Variants in SLC6A6 observed in about 807,000 individuals in gnomAD.
SLC6A6 encodes the protein sodium- and chloride-dependent taurine transporter.
SLC6A6 carries 16 observed loss-of-function variants against 68.8 expected under a neutral mutation model. The observed-to-expected ratio is 0.23, with a 90% CI of 0.16 to 0.35. The LOEUF (loss-of-function observed/expected upper bound fraction) is 0.35, where lower values mean the gene tolerates loss of function less well. Among genes scored for constraint, SLC6A6 ranks in the 10% least tolerant of loss-of-function variants. The pLI is 1.00. For missense variants in SLC6A6, 474 were observed against 802.8 expected (o/e 0.59, Z 4.95); for synonymous variants, 312 against 315.4 (o/e 0.99, Z 0.12).
intron 2 of SLC6A6, among the ~76,000 whole-genome samples, chr3:14,438,904 G>A (rs566365371): frequency 5.3e-4 from 80 of 152,326 alleles, no homozygotes; most frequent in Non-Finnish European, 1.1e-3. Flanking sequence ...CAGGGCAGGT[G>A]CAGAGAACTC....
intron 1 of SLC6A6, among the ~76,000 whole-genome samples, chr3:14,413,886 T>G (rs998428997): frequency 6.6e-6 from 1 of 152,190 alleles, no homozygotes; most frequent in Non-Finnish European, 1.5e-5. Context: ...AGGTCTGGAT[T>G]CTTATCTTGC....
intron 5 of SLC6A6, among the ~76,000 whole-genome samples, chr3:14,456,083 TGACCATGGGCAAGTG>T (rs1700360612): frequency 6.6e-6 from 1 of 152,352 alleles, no homozygotes; most frequent in East Asian, 1.9e-4. Context: ...GCTGGCTCTG[TGACCATGGGCAAGTG>T]GACCCACCAA....
intron 6 of SLC6A6, among the ~76,000 whole-genome samples, chr3:14,459,883 C>CTTTTTTTTTT (rs869191764): frequency 2.2e-3 from 88 of 40,122 alleles, no homozygotes; most frequent in East Asian, 4.9e-3. Context: ...TAATTCTCTT[C>CTTTTTTTTTT]TTTTTTTTTT....
intron 6 of SLC6A6, among the ~76,000 whole-genome samples, chr3:14,460,550 G>A (rs1700471412): frequency 6.6e-6 from 1 of 152,174 alleles, no homozygotes; most frequent in Non-Finnish European, 1.5e-5. Flanking sequence ...CCAGACCCTT[G>A]GGGAGCACCC....
intron 1 of SLC6A6, among the ~76,000 whole-genome samples, chr3:14,410,134 G>A (rs774231500): frequency 5.0e-4 from 70 of 139,448 alleles, no homozygotes; most frequent in East Asian, 4.0e-3. Flanking sequence ...CCAACATCTC[G>A]CTACTGCCCT....
At chr3:14,455,795 C>T (rs377755222) in intron 5 of SLC6A6, among the ~76,000 whole-genome samples, 3 of 152,270 alleles carry the variant, frequency 2.0e-5, no homozygotes, top group East Asian at 3.9e-4. Context: ...CCGTGGCAGG[C>T]GCCAGATCCA....
At chr3:14,475,114 T>C (rs146531510) in intron 10 of SLC6A6, among the ~76,000 whole-genome samples, 3,092 of 152,292 alleles carry the variant, frequency 0.02, 119 homozygotes, top group African/African-American at 0.07. Flanking sequence ...CCACTGCAAC[T>C]TCTGCCTCCT....
At chr3:14,476,548 C>G (rs932966214) in intron 10 of SLC6A6, among the ~76,000 whole-genome samples, 1 of 152,234 alleles carries the variant, frequency 6.6e-6, no homozygotes, top group African/African-American at 2.4e-5. Context: ...GCAAAGTCCT[C>G]TCATGGGCTT....
chr3:14,458,088 T>G lies in SLC6A6; in HGVS notation c.732+6T>G. ...GCGTCAGGTCCACTGGGAAGGTAAGTTGGACTTCTGTCCGTCCCCTGCCTC... is the reference window on the plus strand; with the variant it reads ...GCGTCAGGTCCACTGGGAAGGTAAGGTGGACTTCTGTCCGTCCCCTGCCTC... On this transcript the variant is annotated splice_donor_region_variant and intron_variant, in intron 6 of 14. Transcript: ENST00000622186. The G allele has an allele frequency of 6.2e-7, 1 of 1,613,652 alleles. No homozygotes were observed.
chr3:14,425,498 G>A (rs1699575059), intron 2 of SLC6A6, among the ~76,000 whole-genome samples: 1 of 152,156 alleles, frequency 6.6e-6, no homozygotes, highest in South Asian at 2.1e-4. Context: ...CAAATAAATA[G>A]ATGAGTCAAT....
intron 5 of SLC6A6, among the ~76,000 whole-genome samples, chr3:14,455,183 A>T (rs1316769476): frequency 6.6e-6 from 1 of 152,236 alleles, no homozygotes; most frequent in African/African-American, 2.4e-5. Flanking sequence ...TGGCACCATG[A>T]GGTCCTACAA....
At chr3:14,412,640 G>C (rs1346971547) in intron 1 of SLC6A6, among the ~76,000 whole-genome samples, 1 of 152,226 alleles carries the variant, frequency 6.6e-6, no homozygotes, top group Non-Finnish European at 1.5e-5. Context: ...CAGCCTGGGT[G>C]ACAACAGTGA....
intron 10 of SLC6A6, among the ~76,000 whole-genome samples, chr3:14,474,553 C>T (rs889091314): frequency 1.3e-5 from 2 of 152,200 alleles, no homozygotes; most frequent in East Asian, 1.9e-4. Context: ...CCTGCCGGCC[C>T]CGCACCTGGC....
chr3:14,403,953 C>T (rs1025477022), intron 1 of SLC6A6, among the ~76,000 whole-genome samples: 1 of 152,208 alleles, frequency 6.6e-6, no homozygotes, highest in African/African-American at 2.4e-5. Context: ...TCTGCCAGAT[C>T]CCGGCATCCC....
intron 5 of SLC6A6, among the ~76,000 whole-genome samples, chr3:14,451,065 A>G (rs58636662): frequency 0.012 from 1,789 of 152,302 alleles, 35 homozygotes; most frequent in African/African-American, 0.041. Context: ...CCTGGACACC[A>G]GCACTGGCCT....
chr3:14,483,677 G>A (rs2125001565), intron 14 of SLC6A6, among the ~76,000 whole-genome samples: 1 of 152,278 alleles, frequency 6.6e-6, no homozygotes. Flanking sequence ...TTCAAGAAAA[G>A]ATGGAAAACT....
At position 14,445,855 on chromosome 3, in the gene SLC6A6, A is replaced by G; in HGVS notation, c.364+4A>G. On this transcript the variant is annotated splice_donor_region_variant and intron_variant, in intron 4 of 14. Transcript: ENST00000622186. ...AAGATCTGCCCCTTGTTCTCTGGTG[A>G]GTATGGGACGGAGGTCACTTGGGGC... 6.2e-7 allele frequency: 1 copy of G among 1,614,164 alleles called. No homozygotes were observed. Among genetic ancestry groups the G allele is most frequent in the Non-Finnish European group, 8.5e-7 (1 of 1,179,990 alleles).
intron 9 of SLC6A6, among the ~76,000 whole-genome samples, chr3:14,469,471 G>T (rs1433867109): frequency 6.6e-6 from 1 of 152,170 alleles, no homozygotes. Flanking sequence ...AGCACTGGGG[G>T]GTCAGAAGGT....
intron 2 of SLC6A6, among the ~76,000 whole-genome samples, chr3:14,433,802 C>CAAAAAA (rs67806643): frequency 1.3e-5 from 1 of 77,508 alleles, no homozygotes; most frequent in Non-Finnish European, 2.5e-5. Context: ...GACTCTGTCT[C>CAAAAAA]AAAAAAAAAA....
Sources: gnomAD v4.1 joint callset for allele counts (sites outside exome capture counted in the v4.1 genomes callset) on GRCh38, gnomAD v4.1.1 for gene constraint, MANE v1.5 for transcripts, NCBI Gene and HGNC (gene_info 2026-07-23, HGNC 2026-07-21) for gene names.